RGS20: variants seen among roughly 807,000 people sequenced by gnomAD.
RGS20 encodes the protein gz-selective GTPase-activating protein.
A neutral mutation model predicts 33.6 loss-of-function variants in RGS20; 30 were observed. The observed-to-expected ratio is 0.89, with a 90% CI of 0.67 to 1.21. The LOEUF is 1.21. Ranked by LOEUF, RGS20 falls within the 50% of genes most tolerant of loss-of-function variation. The probability of loss-of-function intolerance (pLI) is 0.00; values close to 1 mark genes in which losing one functional copy is unlikely to be tolerated. For missense variants in RGS20, 472 were observed against 502.4 expected, an observed-to-expected ratio of 0.94 and a Z score of 0.58; for synonymous variants, 208 against 197.9, an observed-to-expected ratio of 1.05 and a Z score of -0.43.
chr8:53,922,163 C>T (rs1813666573), intron 2 of RGS20, among the ~76,000 whole-genome samples: 1 of 151,756 alleles, frequency 6.6e-6, no homozygotes, highest in African/African-American at 2.4e-5. Flanking sequence ...TTAGTTTTTG[C>T]TGTATGTATT....
At chr8:53,949,325 T>TACTATATATAAGA in intron 4 of RGS20, among the ~76,000 whole-genome samples, 1 of 147,858 alleles carries the variant, frequency 6.8e-6, no homozygotes, top group Non-Finnish European at 1.5e-5. Context: ...TATATATTTA[T>TACTATATATAAGA]TGGTCATTTA....
At chr8:53,875,587 T>C (rs757154283) in intron 1 of RGS20, among the ~76,000 whole-genome samples, 1 of 152,174 alleles carries the variant, frequency 6.6e-6, no homozygotes, top group Non-Finnish European at 1.5e-5. Flanking sequence ...AGTGTTTCCC[T>C]TCTCTAGACA....
intron 2 of RGS20, among the ~76,000 whole-genome samples, chr8:53,902,959 C>T (rs375505369): frequency 2.0e-5 from 3 of 152,116 alleles, no homozygotes; most frequent in Non-Finnish European, 4.4e-5. Flanking sequence ...CTTCTGACCT[C>T]GGGGGATCTG....
chr8:53,871,905 C>T (rs1812078549), intron 1 of RGS20, among the ~76,000 whole-genome samples: 1 of 152,114 alleles, frequency 6.6e-6, no homozygotes, highest in African/African-American at 2.4e-5. Context: ...TATGCTAGTG[C>T]TTCCAAATTC....
intron 2 of RGS20, among the ~76,000 whole-genome samples, chr8:53,927,452 G>A (rs145253930): frequency 6.6e-6 from 1 of 152,058 alleles, no homozygotes; most frequent in African/African-American, 2.4e-5. Flanking sequence ...CGATCCACCC[G>A]CCTCATCCTC....
At chr8:53,869,456 A>G (rs1812005250) in intron 1 of RGS20, among the ~76,000 whole-genome samples, 2 of 152,138 alleles carry the variant, frequency 1.3e-5, no homozygotes, top group African/African-American at 4.8e-5. Context: ...TGAGCAGATC[A>G]CTTGAGGTCA....
At chr8:53,852,327 G>A (rs892457152) in intron 1 of RGS20, among the ~76,000 whole-genome samples, 3 of 152,052 alleles carry the variant, frequency 2.0e-5, no homozygotes, top group African/African-American at 7.2e-5. Flanking sequence ...GCTTGTTTCA[G>A]GTGATAACAT....
intron 2 of RGS20, among the ~76,000 whole-genome samples, chr8:53,911,003 A>G (rs1352260482): frequency 6.6e-6 from 1 of 152,252 alleles, no homozygotes; most frequent in Non-Finnish European, 1.5e-5. Flanking sequence ...AATTAAAAAT[A>G]AACTTTAAAA....
intron 5 of RGS20, among the ~76,000 whole-genome samples, chr8:53,955,863 G>C (rs1814850536): frequency 6.6e-6 from 1 of 152,072 alleles, no homozygotes; most frequent in Non-Finnish European, 1.5e-5. Flanking sequence ...TAAAATTTAG[G>C]AGGTCAGATT....
chr8:53,871,153 T>G (rs577904868), intron 1 of RGS20, among the ~76,000 whole-genome samples: 1 of 144,698 alleles, frequency 6.9e-6, no homozygotes, highest in East Asian at 2.0e-4. Context: ...ATTAGCAATA[T>G]GTTTTCCCCT....
intron 1 of RGS20, among the ~76,000 whole-genome samples, chr8:53,863,066 G>A (rs891759810): frequency 3.9e-5 from 6 of 152,056 alleles, no homozygotes; most frequent in African/African-American, 7.3e-5. Context: ...TCGGCTCACC[G>A]CAACCTCTGC....
intron 2 of RGS20, among the ~76,000 whole-genome samples, chr8:53,890,452 C>T (rs1812682835): frequency 6.6e-6 from 1 of 152,134 alleles, no homozygotes; most frequent in African/African-American, 2.4e-5. Context: ...TCTCTCTTCA[C>T]ATATCTAGTA....
intron 5 of RGS20, among the ~76,000 whole-genome samples, chr8:53,955,836 AAAT>A (rs998490913): frequency 1.3e-5 from 2 of 152,164 alleles, no homozygotes; most frequent in African/African-American, 2.4e-5. Flanking sequence ...CATTTCAAAA[AAAT>A]AATAATAATA....
chr8:53,878,078 A>C (rs575752915), intron 1 of RGS20, among the ~76,000 whole-genome samples: 1 of 151,652 alleles, frequency 6.6e-6, no homozygotes, highest in African/African-American at 2.4e-5. Context: ...GCGCCTCACC[A>C]CCCCAGCACT....
intron 1 of RGS20, chr8:53,852,099 G>C: frequency 6.5e-7 from 1 of 1,545,944 alleles, no homozygotes; most frequent in Non-Finnish European, 8.8e-7. Context: ...ATCCTTTCCC[G>C]TCAAGGGAAA....
intron 2 of RGS20, among the ~76,000 whole-genome samples, chr8:53,889,498 A>G (rs1255667520): frequency 7.7e-6 from 1 of 129,546 alleles, no homozygotes; most frequent in Non-Finnish European, 1.5e-5. Flanking sequence ...CAGTGGCACA[A>G]TTAGCCGTGA....
At position 53,866,280 on chromosome 8, in the gene RGS20, C is replaced by T. The variant is rs145767685; in HGVS notation, c.166-12978C>T. On this transcript the variant is annotated intron_variant, in intron 1 of 5. Transcript: ENST00000297313. ...GTAGACAGAGTACACATCAGCAAAT[C>T]GCAGAAGGTCTTCTATGCCATGTGA... 5.7e-3 allele frequency among the ~76,000 whole-genome samples: 868 copies of T among 152,202 alleles called. 12 individuals are homozygous for T. Among genetic ancestry groups the T allele is most frequent in the African/African-American group, 0.02 (834 of 41,536 alleles).
chr8:53,889,772 C>A (rs1425031381), intron 2 of RGS20, among the ~76,000 whole-genome samples: 1 of 150,338 alleles, frequency 6.7e-6, no homozygotes, highest in Admixed American at 6.6e-5. Flanking sequence ...TGCTGCAAAT[C>A]TCTTCTTCCA....
intron 2 of RGS20, among the ~76,000 whole-genome samples, chr8:53,918,580 G>T (rs916824796): frequency 1.3e-5 from 2 of 151,922 alleles, no homozygotes; most frequent in Non-Finnish European, 2.9e-5. Context: ...GTAGAGATGG[G>T]TTTCACTATG....
Sources: gnomAD v4.1 joint callset for allele counts (sites outside exome capture counted in the v4.1 genomes callset) on GRCh38, gnomAD v4.1.1 for gene constraint, MANE v1.5 for transcripts, NCBI Gene and HGNC (gene_info 2026-07-23, HGNC 2026-07-21) for gene names.